The following RYK variants were observed in gnomAD, a reference collection of about 807,000 sequenced individuals.
RYK encodes the protein inactive tyrosine-protein kinase RYK.
A neutral mutation model predicts 70.2 loss-of-function variants in RYK; 21 were observed. That is an observed-to-expected ratio of 0.30 (90% CI 0.21 to 0.43). The LOEUF (loss-of-function observed/expected upper bound fraction) is 0.43, where lower values mean the gene tolerates loss of function less well. RYK is among the 20% of genes least tolerant of loss of function. The pLI is 1.00. For missense variants in RYK, 604 were observed against 753.3 expected (o/e 0.80, Z 2.32); for synonymous variants, 267 against 278.0 (o/e 0.96, Z 0.39).
chr3:134,214,771 C>T (rs1252305422), intron 2 of RYK, among the ~76,000 whole-genome samples: 1 of 152,216 alleles, frequency 6.6e-6, no homozygotes, highest in African/African-American at 2.4e-5. Flanking sequence ...CCTCCTCACA[C>T]TCAATGTTTT....
chr3:134,208,902 G>C (rs2014302282), intron 4 of RYK, among the ~76,000 whole-genome samples: 1 of 151,948 alleles, frequency 6.6e-6, no homozygotes. Flanking sequence ...CTGAGGGTTT[G>C]CGAGGTTTTT....
chr3:134,183,966 T>G (rs1576508977), intron 9 of RYK, among the ~76,000 whole-genome samples: 1 of 152,220 alleles, frequency 6.6e-6, no homozygotes, highest in East Asian at 1.9e-4. Context: ...TGTTTACATA[T>G]GATGGCTACT....
chr3:134,224,935 C>A (rs889042385), intron 1 of RYK, among the ~76,000 whole-genome samples: 1 of 152,166 alleles, frequency 6.6e-6, no homozygotes. Flanking sequence ...ATAATCATAT[C>A]TATATTCTAT....
chr3:134,188,246 C>T (rs1263051683), intron 9 of RYK, among the ~76,000 whole-genome samples: 2 of 150,836 alleles, frequency 1.3e-5, no homozygotes, highest in Admixed American at 6.6e-5. Context: ...CTGCATCCTC[C>T]GCCTCTCGGG....
At chr3:134,178,358 C>A in intron 10 of RYK, 1 of 253,370 alleles carries the variant, frequency 3.9e-6, no homozygotes, top group Non-Finnish European at 7.3e-6. Flanking sequence ...TCTAACCACA[C>A]TATATCTTTA....
rs61441674 is a variant in RYK at position 134,216,792 on chromosome 3, CAAAAAAAAAAA to C, written c.355-5196_355-5186del. Among the ~76,000 whole-genome samples the C allele has an allele frequency of 2.7e-4, 10 of 37,422 alleles. No homozygotes were observed. The South Asian group carries it at 4.8e-3, about 18-fold the overall frequency. 24.6% of individuals were successfully genotyped at this position (37,422 alleles called of 152,430 possible). On this transcript the variant is annotated intron_variant, in intron 2 of 14. Transcript: ENST00000623711. ...TGGGCGACAGAGTGAGACTCTGTCT[CAAAAAAAAAAA>C]AAAAAAAAAAAAAAAAAAGCTACTG...
At position 134,178,001 on chromosome 3, in the gene RYK, A is replaced by G. The variant is rs748559557; in HGVS notation, c.1245T>C (p.Asn415=). The G allele has an allele frequency of 1.9e-6, 3 of 1,612,106 alleles. No individual in the cohort carries two copies. The highest frequency in any genetic ancestry group is 1.1e-5 in the South Asian group (1 of 90,886). The change falls in exon 11 of 15, where the codon AAT becomes AAC. Residue 415 remains asparagine (N), a synonymous_variant. Coordinates refer to ENST00000623711, the MANE Select transcript of RYK (RefSeq NM_002958.4). Reference sequence around the variant, plus strand: ...GTAAAAACAATTTAAGATTCCCCCAATTCATGTAAGGCAATATCACCATGG... The same window carrying G: ...GTAAAAACAATTTAAGATTCCCCCAGTTCATGTAAGGCAATATCACCATGG... ...EKPMVILPYM[N]WGNLKLFLRQ...
intron 4 of RYK, among the ~76,000 whole-genome samples, chr3:134,208,655 A>T (rs2014287023): frequency 6.6e-6 from 1 of 152,210 alleles, no homozygotes; most frequent in Non-Finnish European, 1.5e-5. Flanking sequence ...GTGTTTTCAT[A>T]ACACTCAGCA....
At position 134,159,544 on chromosome 3, in the gene RYK, AT is replaced by A. The variant is rs375237622; in HGVS notation, c.1576-172del. Among the ~76,000 whole-genome samples the A allele has an allele frequency of 5.7e-3, 863 of 152,374 alleles. 3 individuals carry two copies. Among genetic ancestry groups the A allele is most frequent in the Non-Finnish European group, 8.9e-3 (608 of 68,042 alleles). On this transcript the variant is annotated intron_variant, in intron 13 of 14. Coordinates refer to ENST00000623711, the MANE Select transcript of RYK (RefSeq NM_002958.4). The stretch of plus-strand genomic sequence containing the variant: ...TACACAGTTAGTTTCCCTTGCTAAG[AT>A]AAAAAAGAGTGCATCCAATATTAGT...
At chr3:134,199,991 A>AAGGTTTGT (rs2013944677) in intron 6 of RYK, among the ~76,000 whole-genome samples, 130 of 11,072 alleles carry the variant, frequency 0.012, no homozygotes, top group African/African-American at 0.019. Flanking sequence ...GCACTCTGTA[A>AAGGTTTGT]AAACAGACCA....
intron 2 of RYK, among the ~76,000 whole-genome samples, chr3:134,213,390 T>C (rs1299739567): frequency 6.6e-6 from 1 of 152,234 alleles, no homozygotes. Flanking sequence ...ACTGTTAGCC[T>C]GGCACAAGTC....
chr3:134,216,427 C>A (rs959498862), intron 2 of RYK, among the ~76,000 whole-genome samples: 1 of 152,096 alleles, frequency 6.6e-6, no homozygotes, highest in African/African-American at 2.4e-5. Context: ...CACAGAACAG[C>A]CATGGGGTAA....
chr3:134,238,286 C>T (rs1007101119), intron 1 of RYK, among the ~76,000 whole-genome samples: 3 of 152,144 alleles, frequency 2.0e-5, no homozygotes, highest in African/African-American at 7.2e-5. Context: ...TCGTGTAATT[C>T]TCTGCCACAT....
intron 13 of RYK, among the ~76,000 whole-genome samples, chr3:134,174,466 A>G (rs1304710850): frequency 6.6e-6 from 1 of 152,228 alleles, no homozygotes. Context: ...ATTTTAAAAT[A>G]TAGACACACA....
At chr3:134,248,507 C>T (rs900641528) in intron 1 of RYK, among the ~76,000 whole-genome samples, 9 of 152,148 alleles carry the variant, frequency 5.9e-5, no homozygotes, top group African/African-American at 1.7e-4. Context: ...TATGTCAACA[C>T]TGTTTCATTT....
chr3:134,234,104 G>GA (rs1298253114), intron 1 of RYK, among the ~76,000 whole-genome samples: 2 of 151,968 alleles, frequency 1.3e-5, no homozygotes, highest in Non-Finnish European at 2.9e-5. Context: ...AATTTTCTAT[G>GA]AAAGTTAAGC....
At chr3:134,205,840 C>T (rs561884685) in intron 5 of RYK, among the ~76,000 whole-genome samples, 3 of 152,288 alleles carry the variant, frequency 2.0e-5, no homozygotes, top group East Asian at 1.9e-4. Flanking sequence ...TATAAACCCC[C>T]GAGGAAAGGA....
intron 1 of RYK, among the ~76,000 whole-genome samples, chr3:134,242,320 G>C (rs565548129): frequency 6.7e-6 from 1 of 150,060 alleles, no homozygotes; most frequent in East Asian, 2.0e-4. Flanking sequence ...AAAAAAAAAA[G>C]ATAAGAATGA....
Position 134,187,794 on chromosome 3 carries a change from A to G in RYK, c.1102+1043T>C, listed in dbSNP as rs560410269. Among the ~76,000 whole-genome samples, 4 of 150,882 alleles carry G rather than the reference A, an allele frequency of 2.7e-5. No individual in the cohort carries two copies. The South Asian group carries it at 6.3e-4, about 24-fold the overall frequency. On this transcript the variant is annotated intron_variant, in intron 9 of 14. Coordinates refer to ENST00000623711, the MANE Select transcript of RYK (RefSeq NM_002958.4). Reference sequence around the variant, plus strand: ...AGGCCGATCTTGAACTTATGGACTCAAGCAATCCTCCTGCCTTAGCCTCCC... The same window carrying G: ...AGGCCGATCTTGAACTTATGGACTCGAGCAATCCTCCTGCCTTAGCCTCCC...
Sources: allele counts gnomAD v4.1 joint callset (sites outside exome capture counted in the v4.1 genomes callset), GRCh38; gene constraint gnomAD v4.1.1; transcripts MANE v1.5; gene names NCBI Gene and HGNC (gene_info 2026-07-23, HGNC 2026-07-21).